The following CSMD2 variants were observed in gnomAD, a reference collection of about 807,000 sequenced individuals.
The protein encoded by CSMD2 is CUB and Sushi multiple domains 2.
In CSMD2, 130 loss-of-function variants were observed where a neutral mutation model predicts 398.5. The ratio of observed to expected loss-of-function variants is 0.33; its 90% CI spans 0.28 to 0.38. The LOEUF (loss-of-function observed/expected upper bound fraction) is 0.38. Among genes scored for constraint, CSMD2 ranks in the 10% least tolerant of loss-of-function variants. The pLI is 1.00. For missense variants in CSMD2, 3,829 were observed against 4,764.9 expected (o/e 0.80, Z 5.78); for synonymous variants, 1,828 against 1,908.5 (o/e 0.96, Z 1.10).
intron 41 of CSMD2, among the ~76,000 whole-genome samples, chr1:33,609,960 G>A (rs1640885956): frequency 1.3e-5 from 2 of 152,162 alleles, no homozygotes; most frequent in African/African-American, 4.8e-5. Context: ...CCTCCTAAAT[G>A]GGATTAGTTC....
At chr1:34,155,251 C>T (rs541856188) in intron 1 of CSMD2, among the ~76,000 whole-genome samples, 7 of 152,182 alleles carry the variant, frequency 4.6e-5, no homozygotes, top group Non-Finnish European at 8.8e-5. Flanking sequence ...CAGAAAACGT[C>T]AACTGTGCCT....
At chr1:33,966,351 G>A (rs1274044632) in intron 3 of CSMD2, among the ~76,000 whole-genome samples, 1 of 152,178 alleles carries the variant, frequency 6.6e-6, no homozygotes, top group Non-Finnish European at 1.5e-5. Flanking sequence ...ACATAAAGTA[G>A]ATCTTTGATC....
At position 33,995,613 on chromosome 1, in the gene CSMD2, G is replaced by C. The variant is rs187625618; in HGVS notation, c.517+36981C>G. ...CTGAGATCCTGCTCAGCTCTCAGGA[G>C]ACAGAAAAACATGGCAGCTATCTCA... On this transcript the variant is annotated intron_variant, in intron 3 of 70. Transcript: ENST00000373381. 7.2e-5 allele frequency among the ~76,000 whole-genome samples: 11 copies of C among 152,282 alleles called. 1 individual carries two copies. In the East Asian group the frequency reaches 1.2e-3, roughly 16 times the overall value.
At chr1:33,733,224 C>T (rs186091766) in intron 15 of CSMD2, among the ~76,000 whole-genome samples, 8 of 152,286 alleles carry the variant, frequency 5.3e-5, no homozygotes, top group South Asian at 2.1e-4. Flanking sequence ...CTCAGCCCTG[C>T]GGCTGGAAGT....
intron 1 of CSMD2, among the ~76,000 whole-genome samples, chr1:34,101,998 T>C (rs1279872862): frequency 6.6e-6 from 1 of 152,094 alleles, no homozygotes; most frequent in Admixed American, 6.5e-5. Context: ...GTGTGCTTTT[T>C]GTTTTGTTTA....
chr1:33,711,057 A>T (rs1006133141), intron 21 of CSMD2, among the ~76,000 whole-genome samples: 2 of 152,200 alleles, frequency 1.3e-5, no homozygotes, highest in East Asian at 3.8e-4. Context: ...ATGTGCTGAG[A>T]TGGCTCATAA....
intron 44 of CSMD2, chr1:33,592,207 C>G: frequency 1.7e-6 from 1 of 579,108 alleles, no homozygotes; most frequent in Non-Finnish European, 3.1e-6. Context: ...AATTTTTCCA[C>G]TTCTCAATCA....
At chr1:33,787,950 G>T (rs1653734051) in intron 12 of CSMD2, among the ~76,000 whole-genome samples, 1 of 152,154 alleles carries the variant, frequency 6.6e-6, no homozygotes, top group Non-Finnish European at 1.5e-5. Context: ...TTCATCACAT[G>T]CAACCCAATA....
chr1:33,928,095 G>A (rs1004143422), intron 4 of CSMD2, among the ~76,000 whole-genome samples: 1 of 152,196 alleles, frequency 6.6e-6, no homozygotes, highest in Admixed American at 6.5e-5. Context: ...GAGAAGCTCT[G>A]GAAATCACAG....
chr1:33,893,794 C>G (rs977786435), intron 5 of CSMD2, among the ~76,000 whole-genome samples: 1 of 152,212 alleles, frequency 6.6e-6, no homozygotes, highest in African/African-American at 2.4e-5. Context: ...ACAGAACTTA[C>G]CATTCTGTGG....
intron 25 of CSMD2, among the ~76,000 whole-genome samples, chr1:33,686,725 T>A (rs1159019921): frequency 6.6e-6 from 1 of 152,176 alleles, no homozygotes; most frequent in Non-Finnish European, 1.5e-5. Flanking sequence ...GGTAGGGAGA[T>A]GCATCTGCAA....
intron 9 of CSMD2, among the ~76,000 whole-genome samples, chr1:33,813,533 T>C (rs1169129365): frequency 6.6e-6 from 1 of 152,198 alleles, no homozygotes; most frequent in Non-Finnish European, 1.5e-5. Context: ...GAAATGCTCT[T>C]CTGGATCGCT....
intron 29 of CSMD2, among the ~76,000 whole-genome samples, chr1:33,645,592 C>T (rs749147337): frequency 1.2e-4 from 19 of 152,178 alleles, no homozygotes; most frequent in Non-Finnish European, 2.2e-4. Flanking sequence ...GAGATAATAG[C>T]GTAGAAGACA....
At chr1:33,941,929 C>T (rs1245018794) in intron 3 of CSMD2, among the ~76,000 whole-genome samples, 1 of 151,924 alleles carries the variant, frequency 6.6e-6, no homozygotes, top group East Asian at 1.9e-4. Flanking sequence ...TTGCTTGATA[C>T]ATCCATCTGT....
chr1:34,040,680 T>C (rs1051649350), intron 2 of CSMD2, among the ~76,000 whole-genome samples: 15 of 152,284 alleles, frequency 9.9e-5, no homozygotes, highest in African/African-American at 3.6e-4. Context: ...ACATCCAGAC[T>C]TGGGCTAAGT....
intron 5 of CSMD2, among the ~76,000 whole-genome samples, chr1:33,857,932 T>C (rs528778163): frequency 6.6e-6 from 1 of 152,308 alleles, no homozygotes. Context: ...GGAGTATCCA[T>C]AGATCACTGT....
At position 33,717,763 on chromosome 1, in the gene CSMD2, A is replaced by G. The variant is rs140490093; in HGVS notation, c.3002-1262T>C. On this transcript the variant is annotated intron_variant, in intron 19 of 70. Transcript: ENST00000373381. ...GAGAATCAGAGAAGGGGTGATTGGA[A>G]GCATGGGCAGAAGTGACAGGGAGTA... 1.5e-3 allele frequency among the ~76,000 whole-genome samples: 230 copies of G among 151,950 alleles called. 3 individuals carry two copies. Among genetic ancestry groups the G allele is most frequent in the African/African-American group, 5.2e-3 (217 of 41,432 alleles).
chr1:33,731,203 A>T (rs1339572621), intron 15 of CSMD2, among the ~76,000 whole-genome samples: 1 of 152,240 alleles, frequency 6.6e-6, no homozygotes, highest in Non-Finnish European at 1.5e-5. Flanking sequence ...AAAACCGGCA[A>T]ATACAAATAA....
At chr1:34,155,103 A>G (rs1260074588) in intron 1 of CSMD2, among the ~76,000 whole-genome samples, 1 of 152,222 alleles carries the variant, frequency 6.6e-6, no homozygotes, top group Non-Finnish European at 1.5e-5. Flanking sequence ...GCTTAGCTTC[A>G]GGATTGGGGA....
Sources: gnomAD v4.1 joint callset for allele counts (sites outside exome capture counted in the v4.1 genomes callset) on GRCh38, gnomAD v4.1.1 for gene constraint, MANE v1.5 for transcripts, NCBI Gene and HGNC (gene_info 2026-07-23, HGNC 2026-07-21) for gene names.